PIBF1: variants seen among roughly 807,000 people sequenced by gnomAD.
PIBF1 encodes the protein progesterone immunomodulatory binding factor 1.
PIBF1 carries 90 observed loss-of-function variants against 112.5 expected under a neutral mutation model. That is an observed-to-expected ratio of 0.80 (90% confidence interval 0.67 to 0.95). PIBF1 has a LOEUF of 0.95. Ranked by LOEUF, PIBF1 falls within the 40% of genes least tolerant of loss-of-function variation. The pLI, the probability that PIBF1 is intolerant of heterozygous loss-of-function variation, is 0.00. For missense variants in PIBF1, 915 were observed against 852.3 expected, an observed-to-expected ratio of 1.07 and a Z score of -0.92; for synonymous variants, 301 against 288.6, an observed-to-expected ratio of 1.04 and a Z score of -0.44.
rs537586871 is a variant in PIBF1, at chr13:72,950,737, G to C, written c.1834-14537G>C. On this transcript the variant is annotated intron_variant, in intron 14 of 17. Transcript: ENST00000326291. ...GGGCCAGGCATTTGTTCTAGGTTCT[G>C]GGGATGATTAGTGAATAAGACACAG... 2.0e-5 allele frequency among the ~76,000 whole-genome samples: 3 copies of C among 152,306 alleles called. No individual in the cohort carries two copies. The South Asian group carries it at 6.2e-4, about 32-fold the overall frequency.
intron 9 of PIBF1, among the ~76,000 whole-genome samples, chr13:72,847,719 A>G (rs762944115): frequency 2.0e-5 from 3 of 152,256 alleles, no homozygotes; most frequent in Non-Finnish European, 2.9e-5. Context: ...TTATTAAATA[A>G]GATTTCCACT....
At chr13:72,891,235 C>T (rs535392520) in intron 10 of PIBF1, among the ~76,000 whole-genome samples, 6 of 152,100 alleles carry the variant, frequency 3.9e-5, no homozygotes, top group South Asian at 4.2e-4. Context: ...CAGTGATATC[C>T]GAAGCAACAT....
chr13:72,846,572 C>T (rs145956790), intron 9 of PIBF1, among the ~76,000 whole-genome samples: 2 of 152,152 alleles, frequency 1.3e-5, no homozygotes, highest in African/African-American at 4.8e-5. Context: ...GATCAGTATT[C>T]AGTTATCCTA....
At chr13:72,844,766 C>CGGATGA (rs1371748602) in intron 9 of PIBF1, among the ~76,000 whole-genome samples, 2 of 104,604 alleles carry the variant, frequency 1.9e-5, no homozygotes, top group African/African-American at 7.1e-5. Context: ...CACACACACA[C>CGGATGA]ACACACACAC....
At chr13:72,787,036 G>C (rs1398166790) in intron 2 of PIBF1, among the ~76,000 whole-genome samples, 1 of 152,106 alleles carries the variant, frequency 6.6e-6, no homozygotes, top group Middle Eastern at 3.2e-3. Flanking sequence ...TGAGTCTGGA[G>C]TTGATGAAAG....
chr13:72,911,394 G>T (rs774981309), intron 12 of PIBF1, among the ~76,000 whole-genome samples: 1 of 141,792 alleles, frequency 7.1e-6, no homozygotes, highest in Non-Finnish European at 1.5e-5. Flanking sequence ...ATGGAGAAAG[G>T]AAAGTTTGTT....
At chr13:72,909,243 T>C (rs763522975) in intron 12 of PIBF1, among the ~76,000 whole-genome samples, 63 of 152,160 alleles carry the variant, frequency 4.1e-4, no homozygotes, top group Non-Finnish European at 7.9e-4. Context: ...ACTCCAGAAT[T>C]GTTAAGTATT....
intron 17 of PIBF1, among the ~76,000 whole-genome samples, chr13:73,007,132 T>C (rs1020668270): frequency 4.0e-5 from 6 of 151,812 alleles, no homozygotes; most frequent in African/African-American, 1.5e-4. Flanking sequence ...AGTTAAATGG[T>C]TAATCCCATT....
At chr13:72,887,012 A>C (rs2039884364) in intron 10 of PIBF1, among the ~76,000 whole-genome samples, 2 of 151,294 alleles carry the variant, frequency 1.3e-5, no homozygotes, top group South Asian at 4.2e-4. Flanking sequence ...ACCTGAGTTA[A>C]TAGAACTGTG....
At chr13:72,966,070 TA>T (rs2138915233) in intron 15 of PIBF1, among the ~76,000 whole-genome samples, 1 of 152,280 alleles carries the variant, frequency 6.6e-6, no homozygotes, top group African/African-American at 2.4e-5. Context: ...TCCAAGATTA[TA>T]AGAATAATTT....
chr13:72,915,831 G>A (rs1566443316), intron 12 of PIBF1, among the ~76,000 whole-genome samples: 1 of 152,080 alleles, frequency 6.6e-6, no homozygotes, highest in African/African-American at 2.4e-5. Flanking sequence ...CTTTACTACA[G>A]AAGGGCCAAT....
chr13:72,942,513 G>A (rs1337994343), intron 14 of PIBF1, among the ~76,000 whole-genome samples: 2 of 151,998 alleles, frequency 1.3e-5, no homozygotes, highest in Non-Finnish European at 2.9e-5. Context: ...ATTGTACTCA[G>A]CCTATGAAGG....
At position 72,951,918 on chromosome 13, in the gene PIBF1, T is replaced by TCTTGTTGGC. The variant is rs564413516; in HGVS notation, c.1834-13354_1834-13346dup. 8.6e-3 allele frequency among the ~76,000 whole-genome samples: 1,305 copies of TCTTGTTGGC among 152,200 alleles called. 65 individuals carry two copies. Among genetic ancestry groups the TCTTGTTGGC allele is most frequent in the East Asian group, 9.1e-3 (47 of 5,176 alleles). On this transcript the variant is annotated intron_variant, in intron 14 of 17. Coordinates refer to ENST00000326291, the MANE Select transcript of PIBF1 (RefSeq NM_006346.4). ...GGTTTCACCATATTGGCCAGGCTGG[T>TCTTGTTGGC]CTTGTTGGCCATGTTGGCCAGGCCT...
At chr13:72,787,938 C>G (rs1489083739) in intron 2 of PIBF1, among the ~76,000 whole-genome samples, 1 of 152,162 alleles carries the variant, frequency 6.6e-6, no homozygotes, top group Non-Finnish European at 1.5e-5. Context: ...GGTGTGAAGC[C>G]ACTGCACCCA....
rs547955956 is a variant in PIBF1 at position 72,981,271 on chromosome 13, AAAAT to A, written c.2049+7612_2049+7615del. ...TGTCTCAAAAAAAATAAAATAAAAT[AAAAT>A]AAATAAATAAATAAAATAAAAATAA... On this transcript the variant is annotated intron_variant, in intron 16 of 17. Transcript: ENST00000326291. Among the ~76,000 whole-genome samples, 1,076 of 150,984 alleles carry A rather than the reference AAAAT, an allele frequency of 7.1e-3. 15 individuals carry two copies. The highest frequency in any genetic ancestry group is 0.025 in the African/African-American group (1,021 of 41,370).
At chr13:72,926,555 A>G (rs1302282964) in intron 13 of PIBF1, among the ~76,000 whole-genome samples, 1 of 152,212 alleles carries the variant, frequency 6.6e-6, no homozygotes, top group Admixed American at 6.5e-5. Flanking sequence ...CACTCTTTCT[A>G]AAGTGCGGGC....
chr13:72,942,283 A>G (rs755613210), intron 14 of PIBF1, among the ~76,000 whole-genome samples: 1 of 150,856 alleles, frequency 6.6e-6, no homozygotes. Context: ...AAAAAAAAAA[A>G]CCCACTGTTT....
At chr13:73,008,717 C>T (rs1339218185) in intron 17 of PIBF1, among the ~76,000 whole-genome samples, 3 of 152,122 alleles carry the variant, frequency 2.0e-5, no homozygotes, top group Non-Finnish European at 2.9e-5. Context: ...GAGAAGTCCT[C>T]GATTTGCCCA....
At position 73,015,898 on chromosome 13, in the gene PIBF1, G is replaced by A. The variant is rs981791455; in HGVS notation, c.2253G>A (p.Lys751=). The A allele has an allele frequency of 1.9e-6, 3 of 1,589,572 alleles. No individual in the cohort carries two copies. The highest frequency in any genetic ancestry group is 2.7e-5 in the African/African-American group (2 of 73,986). The change falls in exon 18 of 18, where the codon AAG becomes AAA. Residue 751 remains lysine (K), a synonymous_variant. Coordinates refer to ENST00000326291, the MANE Select transcript of PIBF1 (RefSeq NM_006346.4). ...FTKKEAPEWS[K]KQKMKT Reference sequence around the variant, plus strand: ...AAAAAGAAGCACCTGAGTGGTCTAAGAAACAAAAGATGAAGACCTAGTGTT... The same window carrying A: ...AAAAAGAAGCACCTGAGTGGTCTAAAAAACAAAAGATGAAGACCTAGTGTT...
Sources: gnomAD v4.1 joint callset for allele counts (sites outside exome capture counted in the v4.1 genomes callset) on GRCh38, gnomAD v4.1.1 for gene constraint, MANE v1.5 for transcripts, NCBI Gene and HGNC (gene_info 2026-07-23, HGNC 2026-07-21) for gene names.